TKTL1: variants seen among roughly 807,000 people sequenced by gnomAD.
The protein encoded by TKTL1 is transketolase like 1.
TKTL1 carries 1 observed loss-of-function variant against 39.3 expected under a neutral mutation model. The observed-to-expected ratio is 0.03, with a 90% CI of 0.01 to 0.12. The LOEUF is 0.12. Among genes scored for constraint, TKTL1 ranks in the 10% least tolerant of loss-of-function variants. The pLI is 1.00. For missense variants in TKTL1, 575 were observed against 509.6 expected (o/e 1.13, Z -1.24); for synonymous variants, 262 against 193.8 (o/e 1.35, Z -2.92).
intron 2 of TKTL1, 95 bp downstream of exon 2, chrX:154,305,516 C>A: frequency 9.7e-7 from 1 of 1,025,839 alleles, no homozygotes; most frequent in Non-Finnish European, 1.3e-6. Context: ...AAATGGGCCT[C>A]GTTTATTATT....
At chrX:154,327,989 G>C (rs370502314) in intron 12 of TKTL1, 31 bp downstream of exon 12, 1 of 1,206,632 alleles carries the variant, frequency 8.3e-7, no homozygotes, top group African/African-American at 1.8e-5. Context: ...TGCTTTGGAA[G>C]GTTTTGGTGT....
chrX:154,300,949 C>A (rs782295038), intron 1 of TKTL1, among the ~76,000 whole-genome samples: 29 of 109,716 alleles, frequency 2.6e-4, no homozygotes, highest in Non-Finnish European at 4.6e-4. Flanking sequence ...CCCATCTCGG[C>A]CTCCCAAAGT....
intron 6 of TKTL1, among the ~76,000 whole-genome samples, chrX:154,314,809 G>A (rs2067385096): frequency 9.0e-6 from 1 of 111,222 alleles, no homozygotes; most frequent in Admixed American, 9.6e-5. Flanking sequence ...ACAGATGTGA[G>A]CCAGCACACC....
In TKTL1 at chrX:154,323,472, C is replaced by CA. The variant is rs199864954; in HGVS notation, c.1317+143dup. Reference sequence around the variant, plus strand: ...GAAAATTTGGTGATAGAATTCTTTACAAAAAAAACAGGAGATTATGCACAC... The same window carrying CA: ...GAAAATTTGGTGATAGAATTCTTTACAAAAAAAAACAGGAGATTATGCACAC... On this transcript the variant is annotated intron_variant, in intron 9 of 12. Transcript: ENST00000369915. 8.3e-4 allele frequency: 612 copies of CA among 733,480 alleles called. 1 individual carries two copies. The highest frequency in any genetic ancestry group is 7.5e-3 in the African/African-American group (342 of 45,695). The allele number at this position is 733,480 out of a possible 1,213,427, so 60.4% of individuals were successfully genotyped here.
intron 10 of TKTL1, among the ~76,000 whole-genome samples, chrX:154,326,116 G>A (rs187927909): frequency 8.9e-6 from 1 of 112,259 alleles, no homozygotes; most frequent in East Asian, 2.8e-4. Context: ...GCCCTGAGAA[G>A]TTCAGATTAT....
intron 2 of TKTL1, among the ~76,000 whole-genome samples, chrX:154,307,044 T>TG (rs113740314): frequency 0.11 from 12,511 of 110,198 alleles, 1,737 homozygotes; most frequent in African/African-American, 0.39. Flanking sequence ...ACCAGTGCTT[T>TG]GGGGGCTCCA....
rs147179406 is a variant in TKTL1 at position 154,295,925 on chromosome X, G to A, written c.66G>A (p.Gln22=). ...CCAGACCTGACAGGGGCACCTTGCA[G>A]GTGTTGCAAGATATGGCCAGCCGCT... is the stretch of plus-strand genomic sequence containing the variant. ...EEARPDRGTL[Q]VLQDMASRLR... The change falls in exon 1 of 13, where the codon CAG becomes CAA. Residue 22 remains glutamine (Q), a synonymous_variant. Transcript: ENST00000369915. 39 of 1,210,270 alleles carry A rather than the reference G, an allele frequency of 3.2e-5. No homozygotes were observed. In the African/African-American group the frequency reaches 6.1e-4, roughly 19 times the overall value.
At chrX:154,311,297 A>G in intron 5 of TKTL1, 59 bp downstream of exon 5, 3 of 1,193,055 alleles carry the variant, frequency 2.5e-6, no homozygotes, top group Admixed American at 4.4e-5. Context: ...GCTCAGCAGC[A>G]GAGGCGGGAG....
At chrX:154,309,882 G>A (rs1405854827) in intron 3 of TKTL1, among the ~76,000 whole-genome samples, 2 of 109,609 alleles carry the variant, frequency 1.8e-5, no homozygotes, top group Admixed American at 1.9e-4. Context: ...TTACAGGCAT[G>A]CACCACCATG....
rs55702707 is a variant in TKTL1 at position 154,318,543 on chromosome X, C to CA, written c.1030-2199dup. ...TGAAACCCCTTCTCTACTAAAAATA[C>CA]AAAAAAAAAAAAAAATTAGCCGGGC... On this transcript the variant is annotated intron_variant, in intron 7 of 12. Coordinates refer to ENST00000369915, the MANE Select transcript of TKTL1 (RefSeq NM_012253.4). Among the ~76,000 whole-genome samples the CA allele has an allele frequency of 3.1e-3, 266 of 86,228 alleles. 3 individuals are homozygous for CA. Among genetic ancestry groups the CA allele is most frequent in the South Asian group, 0.013 (24 of 1,883 alleles). The allele number at this position is 86,228 out of a possible 115,157, so 74.9% of individuals were successfully genotyped here. A position where few individuals can be genotyped will look rare whatever the true frequency, so the allele number is the denominator to read the frequency against.
chrX:154,296,395 G>A (rs782392174), intron 1 of TKTL1, among the ~76,000 whole-genome samples: 2 of 111,442 alleles, frequency 1.8e-5, no homozygotes, highest in East Asian at 2.8e-4. Flanking sequence ...CTGGTAAGCA[G>A]TTGTACTGGA....
Position 154,329,672 on chromosome X carries a change from G to A in TKTL1, c.1775G>A (p.Cys592Tyr). 1.7e-6 allele frequency: 2 copies of A among 1,210,959 alleles called. No homozygotes were observed. Residue 592 changes from cysteine to tyrosine, a missense_variant, in exon 13 of 13, where the codon TGC becomes TAC. Transcript: ENST00000369915. ...SARHIIVAVKCMLLN is the reference protein window; with the variant it reads ...SARHIIVAVKYMLLN Reference sequence around the variant, plus strand: ...AGACATATCATAGTGGCCGTGAAATGCATGTTGCTGAACTAAAATAGCTGT... The same window carrying A: ...AGACATATCATAGTGGCCGTGAAATACATGTTGCTGAACTAAAATAGCTGT...
At chrX:154,302,455 C>T (rs141117792) in intron 1 of TKTL1, among the ~76,000 whole-genome samples, 2,517 of 110,960 alleles carry the variant, frequency 0.023, 76 homozygotes, top group African/African-American at 0.078. Context: ...CTGGCGAGGA[C>T]CTGCTACTGG....
chrX:154,321,200 G>A (rs2067447769), intron 8 of TKTL1, among the ~76,000 whole-genome samples: 1 of 109,725 alleles, frequency 9.1e-6, no homozygotes, highest in Non-Finnish European at 1.9e-5. Flanking sequence ...GACTGGCAGA[G>A]TCATGGAGCC....
intron 2 of TKTL1, among the ~76,000 whole-genome samples, chrX:154,306,111 A>T (rs2067312812): frequency 9.2e-6 from 1 of 108,852 alleles, no homozygotes; most frequent in African/African-American, 3.4e-5. Flanking sequence ...GTCCGAGACC[A>T]GCCTGGTCAA....
At chrX:154,301,976 C>G (rs1430902795) in intron 1 of TKTL1, among the ~76,000 whole-genome samples, 3 of 108,999 alleles carry the variant, frequency 2.8e-5, no homozygotes, top group African/African-American at 1.0e-4. Flanking sequence ...AAAAATCATT[C>G]AGCGTGGGCA....
At position 154,325,901 on chromosome X, in the gene TKTL1, A is replaced by G. The variant is rs145141575; in HGVS notation, c.1401+479A>G. Among the ~76,000 whole-genome samples the G allele has an allele frequency of 9.3e-3, 1,039 of 111,852 alleles. 10 individuals are homozygous for G. The highest frequency in any genetic ancestry group is 0.032 in the African/African-American group (986 of 30,790). On this transcript the variant is annotated intron_variant, in intron 10 of 12. Coordinates refer to ENST00000369915, the MANE Select transcript of TKTL1 (RefSeq NM_012253.4). ...TCAGGAGGCTGAGGAAGGAGGATAG[A>G]GGAGCGCAGGAATTCAAGGCAGCAG...
At position 154,311,017 on chromosome X, in the gene TKTL1, G is replaced by A. The variant is rs2067353167; in HGVS notation, c.532G>A (p.Glu178Lys). 2 of 1,211,961 alleles carry A rather than the reference G, an allele frequency of 1.7e-6. No homozygotes were observed. Among genetic ancestry groups the A allele is most frequent in the Admixed American group, 2.2e-5 (1 of 46,067 alleles). ...CATAAACATCTATCAGAGGCGCTGC[G>A]AAGCCTTTGGGTAACTGTATTCTCT... Reference protein sequence around the residue: ...HCINIYQRRCEAFGWNTYVVD... With the variant: ...HCINIYQRRCKAFGWNTYVVD... Residue 178 changes from glutamate to lysine, a missense_variant, in exon 4 of 13, where the codon GAA (glutamate) becomes AAA (lysine). Transcript: ENST00000369915.
chrX:154,310,862 A>T lies in TKTL1; in HGVS notation c.377A>T (p.Asp126Val), dbSNP rs782371916. The stretch of plus-strand genomic sequence containing the variant: ...TACCGGGTGTTCTGCCTCATGAGTG[A>T]TGGCGAGTCCTCAGAAGGCTCTGTC... The part of the protein sequence containing the change: ...ASYRVFCLMS[D>V]GESSEGSVWE... The change falls in exon 4 of 13, where the codon GAT (aspartate) becomes GTT (valine). Residue 126 changes from aspartate (D) to valine (V), a missense_variant. Transcript: ENST00000369915. The T allele has an allele frequency of 1.7e-6, 2 of 1,211,339 alleles. No homozygotes were observed. Among genetic ancestry groups the T allele is most frequent in the Non-Finnish European group, 2.2e-6 (2 of 895,150 alleles).
Sources: gnomAD v4.1 joint callset for allele counts (sites outside exome capture counted in the v4.1 genomes callset) on GRCh38, gnomAD v4.1.1 for gene constraint, MANE v1.5 for transcripts, NCBI Gene and HGNC (gene_info 2026-07-23, HGNC 2026-07-21) for gene names.